The following PCCB variants were observed in gnomAD, a reference collection of about 807,000 sequenced individuals.
The protein encoded by PCCB is propionyl-CoA carboxylase beta chain, mitochondrial.
Under a neutral mutation model 60.7 loss-of-function variants are expected in PCCB, and 43 were observed. The ratio of observed to expected loss-of-function variants is 0.71; its 90% CI spans 0.55 to 0.91. The LOEUF is 0.91. Among genes scored for constraint, PCCB ranks in the 40% least tolerant of loss-of-function variants. The pLI is 0.00. For synonymous variants in PCCB, 276 were observed against 255.9 expected (o/e 1.08, Z -0.75); for missense variants, 766 against 702.8 (o/e 1.09, Z -1.02).
chr3:136,299,556 GTATGTATGTATATGCA>G (rs1934121342), intron 8 of PCCB, among the ~76,000 whole-genome samples: 1 of 110,890 alleles, frequency 9.0e-6, no homozygotes, highest in Non-Finnish European at 1.8e-5. Context: ...GTATGCATGT[GTATGTATGTATATGCA>G]TGTGTATGTA....
intron 6 of PCCB, among the ~76,000 whole-genome samples, chr3:136,289,852 G>A (rs1181601747): frequency 6.8e-6 from 1 of 146,956 alleles, no homozygotes; most frequent in Non-Finnish European, 1.5e-5. Flanking sequence ...GCTATTTTAA[G>A]TTAATTTCAG....
intron 5 of PCCB, among the ~76,000 whole-genome samples, chr3:136,264,240 A>G (rs1941907298): frequency 6.6e-6 from 1 of 151,992 alleles, no homozygotes; most frequent in Admixed American, 6.6e-5. Flanking sequence ...GTATTTCTAA[A>G]GAATAAAGAT....
intron 5 of PCCB, among the ~76,000 whole-genome samples, chr3:136,276,916 G>C (rs1048301694): frequency 6.6e-6 from 1 of 152,200 alleles, no homozygotes; most frequent in East Asian, 1.9e-4. Flanking sequence ...CCCTTGGTGT[G>C]GTGGTCTCCT....
At chr3:136,328,685 A>G (rs1935421711) in intron 13 of PCCB, 73 bp from the exon 14 acceptor site, 8 of 1,203,628 alleles carry the variant, frequency 6.6e-6, no homozygotes, top group East Asian at 2.3e-5. Flanking sequence ...ACCCACACAC[A>G]GTGATAATGA....
At chr3:136,311,232 A>G (rs1156588700) in intron 9 of PCCB, among the ~76,000 whole-genome samples, 1 of 152,232 alleles carries the variant, frequency 6.6e-6, no homozygotes, top group East Asian at 1.9e-4. Context: ...ATTAACATAT[A>G]GAAATCTTCA....
rs139140044 is a variant in PCCB at position 136,293,218 on chromosome 3, G to A, written c.655-538G>A. Among the ~76,000 whole-genome samples the A allele has an allele frequency of 5.6e-4, 85 of 152,254 alleles. 1 individual carries two copies. The highest frequency in any genetic ancestry group is 1.9e-3 in the African/African-American group (79 of 41,558). Reference sequence around the variant, plus strand: ...GGGTCTCGCTATGTTGGCCAGGCTGGTCTTGAACTCCTGGCCTGAAGTGAT... The same window carrying A: ...GGGTCTCGCTATGTTGGCCAGGCTGATCTTGAACTCCTGGCCTGAAGTGAT... On this transcript the variant is annotated intron_variant, in intron 6 of 14. Coordinates refer to ENST00000251654, the MANE Select transcript of PCCB (RefSeq NM_000532.5).
chr3:136,312,428 G>A (rs1362338074), intron 9 of PCCB, among the ~76,000 whole-genome samples: 1 of 152,176 alleles, frequency 6.6e-6, no homozygotes, highest in African/African-American at 2.4e-5. Flanking sequence ...CCTTCCTATA[G>A]GCAGTTTGTC....
Position 136,304,817 on chromosome 3 carries a change from GAA to G in PCCB, c.966+3707_966+3708del, listed in dbSNP as rs1934404038. On this transcript the variant is annotated intron_variant, in intron 9 of 14. Transcript: ENST00000251654. ...AGTGATTCTCCTGCCTCAACCTCCT[GAA>G]TAGCTGTGATTTCAGGCACCCGCCA... Among the ~76,000 whole-genome samples the G allele has an allele frequency of 1.7e-5, 2 of 118,666 alleles. 1 individual carries two copies. The highest frequency in any genetic ancestry group is 6.9e-4 in the South Asian group (2 of 2,904). The allele number at this position is 118,666 out of a possible 152,430, so 77.8% of individuals were successfully genotyped here.
At chr3:136,293,912 G>A (rs1933817963) in intron 7 of PCCB, 48 bp downstream of exon 7, 1 of 1,111,094 alleles carries the variant, frequency 9.0e-7, no homozygotes, top group East Asian at 2.3e-5. Context: ...ATTGAGAAGA[G>A]GGCATTGCCA....
At chr3:136,288,401 A>G (rs1345715803) in intron 6 of PCCB, among the ~76,000 whole-genome samples, 1 of 151,832 alleles carries the variant, frequency 6.6e-6, no homozygotes, top group African/African-American at 2.4e-5. Context: ...GCTGGAGTGC[A>G]GTGGTGTGAT....
chr3:136,324,867 T>A (rs1237649570), intron 10 of PCCB, among the ~76,000 whole-genome samples: 4 of 152,182 alleles, frequency 2.6e-5, no homozygotes, highest in Non-Finnish European at 2.9e-5. Flanking sequence ...ACAAGTGTAA[T>A]TAAAAAGGCA....
intron 8 of PCCB, among the ~76,000 whole-genome samples, chr3:136,298,515 G>A (rs1003898542): frequency 6.6e-6 from 1 of 152,124 alleles, no homozygotes; most frequent in African/African-American, 2.4e-5. Context: ...TGGTTCCTGG[G>A]CTCTACCTAG....
intron 6 of PCCB, among the ~76,000 whole-genome samples, chr3:136,284,666 A>G (rs1347572603): frequency 1.3e-5 from 2 of 152,210 alleles, no homozygotes; most frequent in Middle Eastern, 3.2e-3. Context: ...TTTGTTCTCA[A>G]GGGAAGTTAG....
chr3:136,327,286 T>G, intron 12 of PCCB, 31 bp downstream of exon 12: 1 of 1,541,544 alleles, frequency 6.5e-7, no homozygotes, highest in East Asian at 2.2e-5. Context: ...GCCATGACCC[T>G]GCTCACTTTC....
At chr3:136,326,349 A>T (rs1935308934) in intron 10 of PCCB, 1 of 702,722 alleles carries the variant, frequency 1.4e-6, no homozygotes. Context: ...TACTCCTTGG[A>T]ACTATGCTAG....
intron 4 of PCCB, 151 bp from the exon 5 acceptor site, chr3:136,261,801 C>A: frequency 1.5e-6 from 1 of 667,132 alleles, no homozygotes; most frequent in Non-Finnish European, 2.7e-6. Context: ...TGAAGGTACC[C>A]AATCGTGATG....
At chr3:136,295,501 A>G (rs1323378003) in intron 7 of PCCB, among the ~76,000 whole-genome samples, 1 of 152,072 alleles carries the variant, frequency 6.6e-6, no homozygotes, top group African/African-American at 2.4e-5. Flanking sequence ...CTTAGCATCA[A>G]CTCCAGCACG....
Position 136,317,069 on chromosome 3 carries a change from G to A in PCCB, c.1090+5G>A. 6.2e-7 allele frequency: 1 copy of A among 1,614,150 alleles called. No individual in the cohort carries two copies. The highest frequency in any genetic ancestry group is 8.5e-7 in the Non-Finnish European group (1 of 1,180,018). On this transcript the variant is annotated splice_donor_5th_base_variant and intron_variant, in intron 10 of 14. Coordinates refer to ENST00000251654, the MANE Select transcript of PCCB (RefSeq NM_000532.5). ...ACCAACCTAAGGTGGCCTCAGGTAG[G>A]ATGGAGCTCTTATAAGCCTTGGTTT...
At chr3:136,299,536 A>ACG (rs1934118725) in intron 8 of PCCB, among the ~76,000 whole-genome samples, 1 of 121,320 alleles carries the variant, frequency 8.2e-6, no homozygotes, top group Non-Finnish European at 1.7e-5. Flanking sequence ...ATGTATATGC[A>ACG]TGTGTATAGG....
Sources: gnomAD v4.1 joint callset for allele counts (sites outside exome capture counted in the v4.1 genomes callset) on GRCh38, gnomAD v4.1.1 for gene constraint, MANE v1.5 for transcripts, NCBI Gene and HGNC (gene_info 2026-07-23, HGNC 2026-07-21) for gene names.